LRRC4C: variants seen among roughly 807,000 people sequenced by gnomAD.
The protein encoded by LRRC4C is leucine rich repeat containing 4C.
LRRC4C carries 5 observed loss-of-function variants against 33.6 expected under a neutral mutation model. That is an observed-to-expected ratio of 0.15 (90% CI 0.08 to 0.31). The LOEUF is 0.31. Ranked by LOEUF, LRRC4C falls within the 10% of genes least tolerant of loss-of-function variation. The pLI, the probability that LRRC4C is intolerant of heterozygous loss-of-function variation, is 1.00. For missense variants in LRRC4C, 560 were observed against 796.7 expected (o/e 0.70, Z 3.58); for synonymous variants, 329 against 302.0 (o/e 1.09, Z -0.93).
At chr11:41,316,633 T>G (rs977308689) in intron 1 of LRRC4C, among the ~76,000 whole-genome samples, 3 of 152,214 alleles carry the variant, frequency 2.0e-5, no homozygotes, top group African/African-American at 7.2e-5. Context: ...TATGTAGAGC[T>G]ATTGTTTCTT....
intron 1 of LRRC4C, among the ~76,000 whole-genome samples, chr11:41,385,195 G>A (rs1301323898): frequency 6.6e-6 from 1 of 151,198 alleles, no homozygotes; most frequent in Non-Finnish European, 1.5e-5. Flanking sequence ...GTCAGTAACT[G>A]ATAGATCAAG....
chr11:41,415,382 C>G (rs796811588), intron 1 of LRRC4C, among the ~76,000 whole-genome samples: 17 of 152,192 alleles, frequency 1.1e-4, no homozygotes, highest in African/African-American at 4.1e-4. Context: ...AAAGAGGAGT[C>G]CCCGAATGAC....
intron 1 of LRRC4C, among the ~76,000 whole-genome samples, chr11:40,950,730 TA>T (rs1295148456): frequency 1.3e-5 from 2 of 152,056 alleles, no homozygotes; most frequent in Non-Finnish European, 2.9e-5. Context: ...CATACCCAAG[TA>T]AGTTTATTTC....
At chr11:41,435,341 A>G (rs1006469960) in intron 1 of LRRC4C, among the ~76,000 whole-genome samples, 1 of 152,186 alleles carries the variant, frequency 6.6e-6, no homozygotes, top group East Asian at 1.9e-4. Flanking sequence ...GTACAGATGA[A>G]AAATAATTGA....
At chr11:40,267,711 T>C (rs1293169691) in intron 4 of LRRC4C, among the ~76,000 whole-genome samples, 2 of 152,186 alleles carry the variant, frequency 1.3e-5, no homozygotes, top group Non-Finnish European at 2.9e-5. Context: ...CCTCTTTGTG[T>C]ATAAAACTAA....
intron 5 of LRRC4C, among the ~76,000 whole-genome samples, chr11:40,227,747 A>T (rs1010488679): frequency 2.6e-5 from 4 of 152,202 alleles, no homozygotes; most frequent in African/African-American, 9.7e-5. Context: ...AGGAAAAAAA[A>T]GTACCATAGA....
At chr11:41,429,915 G>A (rs999495987) in intron 1 of LRRC4C, among the ~76,000 whole-genome samples, 1 of 152,104 alleles carries the variant, frequency 6.6e-6, no homozygotes. Flanking sequence ...ATGGCATTCC[G>A]GCTAAGTTAG....
At chr11:40,417,363 G>A (rs547784135) in intron 3 of LRRC4C, among the ~76,000 whole-genome samples, 2 of 151,824 alleles carry the variant, frequency 1.3e-5, no homozygotes, top group Non-Finnish European at 2.9e-5. Context: ...ATGGAGTCTT[G>A]CTCTGTGGCC....
At chr11:40,393,689 G>T (rs1166269341) in intron 3 of LRRC4C, among the ~76,000 whole-genome samples, 1 of 152,114 alleles carries the variant, frequency 6.6e-6, no homozygotes, top group African/African-American at 2.4e-5. Context: ...AAAAACAATT[G>T]CACTGTTGAC....
intron 3 of LRRC4C, among the ~76,000 whole-genome samples, chr11:40,539,061 A>C (rs778158058): frequency 2.0e-5 from 3 of 152,016 alleles, no homozygotes; most frequent in African/African-American, 4.8e-5. Flanking sequence ...TCCCTCCACA[A>C]ATATTTCATC....
At chr11:40,388,110 C>T (rs758076541) in intron 3 of LRRC4C, among the ~76,000 whole-genome samples, 1 of 152,206 alleles carries the variant, frequency 6.6e-6, no homozygotes, top group Non-Finnish European at 1.5e-5. Context: ...AAACTATCTG[C>T]TTCTACCTGT....
intron 2 of LRRC4C, among the ~76,000 whole-genome samples, chr11:40,848,242 C>T (rs1271107164): frequency 2.0e-5 from 3 of 151,768 alleles, no homozygotes; most frequent in Non-Finnish European, 4.4e-5. Flanking sequence ...GTGATGTTAG[C>T]GTGTCGATTT....
chr11:40,231,912 C>A (rs1019348581), intron 5 of LRRC4C, among the ~76,000 whole-genome samples: 5 of 152,048 alleles, frequency 3.3e-5, no homozygotes, highest in Non-Finnish European at 5.9e-5. Flanking sequence ...GCAAGATGTG[C>A]AGGTTTGTTA....
chr11:40,452,871 G>A (rs923173399), intron 3 of LRRC4C, among the ~76,000 whole-genome samples: 13 of 152,176 alleles, frequency 8.5e-5, no homozygotes, highest in African/African-American at 2.9e-4. Context: ...ATGAGTTCAT[G>A]TCCTTTGTAG....
At chr11:41,004,377 T>A (rs543443594) in intron 1 of LRRC4C, among the ~76,000 whole-genome samples, 10 of 152,118 alleles carry the variant, frequency 6.6e-5, no homozygotes, top group Admixed American at 5.2e-4. Flanking sequence ...AGGAAGTACA[T>A]CAACATTATC....
At chr11:40,499,355 A>G (rs1268197132) in intron 3 of LRRC4C, among the ~76,000 whole-genome samples, 2 of 152,186 alleles carry the variant, frequency 1.3e-5, no homozygotes, top group Non-Finnish European at 2.9e-5. Flanking sequence ...ATATCCAAGC[A>G]TCCTGCTCAG....
intron 5 of LRRC4C, among the ~76,000 whole-genome samples, chr11:40,202,293 T>A (rs115937325): frequency 0.019 from 2,905 of 151,766 alleles, 45 homozygotes; most frequent in Non-Finnish European, 0.029. Context: ...AGGCAGGTTT[T>A]TTTTGTTTTT....
intron 3 of LRRC4C, among the ~76,000 whole-genome samples, chr11:40,557,956 T>G (rs1957396336): frequency 6.6e-6 from 1 of 152,098 alleles, no homozygotes; most frequent in Non-Finnish European, 1.5e-5. Context: ...AGGTTAAAAC[T>G]TATCCAGATT....
intron 1 of LRRC4C, among the ~76,000 whole-genome samples, chr11:41,034,455 CACCAT>C (rs1565320781): frequency 3.3e-4 from 40 of 121,208 alleles, no homozygotes; most frequent in Middle Eastern, 4.4e-3. Context: ...CACACACACA[CACCAT>C]ATATATATAT....
Sources: gnomAD v4.1 joint callset for allele counts (sites outside exome capture counted in the v4.1 genomes callset) on GRCh38, gnomAD v4.1.1 for gene constraint, MANE v1.5 for transcripts, NCBI Gene and HGNC (gene_info 2026-07-23, HGNC 2026-07-21) for gene names.